The following SLCO1B1 variants were observed in gnomAD, a reference collection of about 807,000 sequenced individuals.
SLCO1B1 encodes the protein solute carrier organic anion transporter family member 1B1.
In SLCO1B1, 81 loss-of-function variants were observed where a neutral mutation model predicts 70.1. The observed-to-expected ratio is 1.16, with a 90% confidence interval of 0.97 to 1.39. The LOEUF is 1.39. SLCO1B1 is among the 40% of genes most tolerant of loss of function. The probability of loss-of-function intolerance (pLI) is 0.00; values close to 1 mark genes in which losing one functional copy is unlikely to be tolerated. For missense variants in SLCO1B1, 895 were observed against 799.6 expected, an observed-to-expected ratio of 1.12 and a Z score of -1.44; for synonymous variants, 283 against 271.5, an observed-to-expected ratio of 1.04 and a Z score of -0.42.
At chr12:21,193,001 A>T (rs79640916) in intron 7 of SLCO1B1, among the ~76,000 whole-genome samples, 6,205 of 152,078 alleles carry the variant, frequency 0.041, 192 homozygotes, top group Non-Finnish European at 0.06. Context: ...ATATTTTTAA[A>T]ATTTTCTACT....
At chr12:21,150,244 G>A (rs545726644) in intron 2 of SLCO1B1, among the ~76,000 whole-genome samples, 2 of 152,274 alleles carry the variant, frequency 1.3e-5, no homozygotes, top group South Asian at 4.1e-4. Context: ...GCACCTGGGA[G>A]AAGGGGCAGC....
chr12:21,196,402 C>G (rs542364481), intron 7 of SLCO1B1, among the ~76,000 whole-genome samples: 1 of 152,184 alleles, frequency 6.6e-6, no homozygotes, highest in South Asian at 2.1e-4. Flanking sequence ...CTTTTAGAGT[C>G]TAACTCTTCA....
At chr12:21,188,337 C>G (rs1940986870) in intron 7 of SLCO1B1, among the ~76,000 whole-genome samples, 1 of 152,130 alleles carries the variant, frequency 6.6e-6, no homozygotes, top group South Asian at 2.1e-4. Context: ...TCCACTTCAA[C>G]TTAATAGTAA....
intron 10 of SLCO1B1, 110 bp downstream of exon 10, chr12:21,202,796 TAAGAG>T: frequency 1.1e-6 from 1 of 886,234 alleles, no homozygotes; most frequent in South Asian, 1.7e-5. Context: ...TTCTTTAAGT[TAAGAG>T]AAATTTCAAT....
At chr12:21,149,282 G>A (rs1458412506) in intron 2 of SLCO1B1, among the ~76,000 whole-genome samples, 1 of 152,122 alleles carries the variant, frequency 6.6e-6, no homozygotes, top group Non-Finnish European at 1.5e-5. Context: ...TGGTGAGAGA[G>A]GGCATCCTTG....
At chr12:21,218,750 A>T (rs1941389331) in intron 12 of SLCO1B1, among the ~76,000 whole-genome samples, 1 of 152,196 alleles carries the variant, frequency 6.6e-6, no homozygotes, top group South Asian at 2.1e-4. Context: ...GTTTGAAAAA[A>T]CACTGTTCCA....
At chr12:21,231,216 T>C (rs1941533708) in intron 14 of SLCO1B1, among the ~76,000 whole-genome samples, 1 of 152,112 alleles carries the variant, frequency 6.6e-6, no homozygotes, top group Non-Finnish European at 1.5e-5. Context: ...CTTAATCCAG[T>C]CTATCACTGA....
rs190558189 is a variant in SLCO1B1 at position 21,203,859 on chromosome 12, A to G, written c.1331+1173A>G. ...GTCACACAATGTCTTTAGACTCTAG[A>G]CTGATCCTATGTCACACCCTTAGTT... On this transcript the variant is annotated intron_variant, in intron 10 of 14. Coordinates refer to ENST00000256958, the MANE Select transcript of SLCO1B1 (RefSeq NM_006446.5). Among the ~76,000 whole-genome samples the G allele has an allele frequency of 1.4e-4, 21 of 152,158 alleles. No individual in the cohort carries two copies. The East Asian group carries it at 4.1e-3, about 29-fold the overall frequency.
intron 2 of SLCO1B1, among the ~76,000 whole-genome samples, chr12:21,157,852 G>A (rs567750211): frequency 2.5e-4 from 38 of 152,038 alleles, no homozygotes; most frequent in Admixed American, 7.9e-4. Flanking sequence ...TGCCCACCTC[G>A]GCCTCCCACA....
chr12:21,219,490 T>C (rs759991929), intron 12 of SLCO1B1, among the ~76,000 whole-genome samples: 9 of 151,862 alleles, frequency 5.9e-5, no homozygotes, highest in South Asian at 2.1e-4. Context: ...AGGAAAGACT[T>C]TGAAATATAT....
At chr12:21,161,542 G>A (rs941162755) in intron 2 of SLCO1B1, among the ~76,000 whole-genome samples, 4 of 152,024 alleles carry the variant, frequency 2.6e-5, no homozygotes, top group Non-Finnish European at 5.9e-5. Flanking sequence ...AAGAGAGAGA[G>A]AAGCAGAAGA....
At chr12:21,232,802 C>T (rs1028370616) in intron 14 of SLCO1B1, among the ~76,000 whole-genome samples, 1 of 152,002 alleles carries the variant, frequency 6.6e-6, no homozygotes, top group Admixed American at 6.6e-5. Flanking sequence ...AATTCTTACC[C>T]CTTTTGCCAG....
At position 21,222,388 on chromosome 12, in the gene SLCO1B1, AAAAAAAAAAATAT is replaced by A. The variant is rs1941434058; in HGVS notation, c.1747+26_1747+38del. On this transcript the variant is annotated intron_variant, in intron 13 of 14. Coordinates refer to ENST00000256958, the MANE Select transcript of SLCO1B1 (RefSeq NM_006446.5). The stretch of plus-strand genomic sequence containing the variant: ...AGGTATGATGAAAAAAAAAAAAAAA[AAAAAAAAAAATAT>A]ATATATATATATATATATATATATA... The A allele has an allele frequency of 5.5e-5, 20 of 361,076 alleles. 1 individual carries two copies. In the South Asian group the frequency reaches 5.6e-4, roughly 10 times the overall value. The allele number at this position is 361,076 out of a possible 1,614,324, so 22.4% of individuals were successfully genotyped here. A position where few individuals can be genotyped will look rare whatever the true frequency, so the allele number is the denominator to read the frequency against.
chr12:21,207,018 C>T (rs1941222665), intron 11 of SLCO1B1, among the ~76,000 whole-genome samples: 1 of 151,918 alleles, frequency 6.6e-6, no homozygotes, highest in South Asian at 2.1e-4. Flanking sequence ...TAAACTTGCA[C>T]AAATATGGCC....
At chr12:21,215,089 A>G (rs529129610) in intron 11 of SLCO1B1, among the ~76,000 whole-genome samples, 1 of 151,702 alleles carries the variant, frequency 6.6e-6, no homozygotes, top group Admixed American at 6.6e-5. Context: ...GGCTCCTCCA[A>G]CCAGGGTTTT....
intron 5 of SLCO1B1, among the ~76,000 whole-genome samples, chr12:21,177,126 A>T (rs931952707): frequency 2.0e-5 from 3 of 152,148 alleles, no homozygotes; most frequent in Non-Finnish European, 4.4e-5. Flanking sequence ...TCTGAACTGG[A>T]TGATAAACCT....
At position 21,199,258 on chromosome 12, in the gene SLCO1B1, A is replaced by G. The variant is rs558552225; in HGVS notation, c.971-1250A>G. Among the ~76,000 whole-genome samples the G allele has an allele frequency of 2.0e-5, 3 of 152,282 alleles. No homozygotes were observed. The South Asian group carries it at 6.2e-4, about 32-fold the overall frequency. On this transcript the variant is annotated intron_variant, in intron 8 of 14. Transcript: ENST00000256958. ...TCAAAGTCCGTATCATCCAACTCTCAGTAACCATATCTTGGCTCTGTCTTG... is the reference window on the plus strand; with the variant it reads ...TCAAAGTCCGTATCATCCAACTCTCGGTAACCATATCTTGGCTCTGTCTTG...
intron 7 of SLCO1B1, among the ~76,000 whole-genome samples, chr12:21,181,149 A>G (rs1195874531): frequency 1.3e-5 from 2 of 152,322 alleles, no homozygotes; most frequent in East Asian, 3.9e-4. Flanking sequence ...TATTCTTTTA[A>G]TGCACAAATT....
intron 4 of SLCO1B1, among the ~76,000 whole-genome samples, chr12:21,176,551 C>T (rs1198120837): frequency 6.6e-6 from 1 of 151,920 alleles, no homozygotes; most frequent in African/African-American, 2.4e-5. Context: ...AGGTGATAAC[C>T]CACTTAGCCT....
Sources: gnomAD v4.1 joint callset for allele counts (sites outside exome capture counted in the v4.1 genomes callset) on GRCh38, gnomAD v4.1.1 for gene constraint, MANE v1.5 for transcripts, NCBI Gene and HGNC (gene_info 2026-07-23, HGNC 2026-07-21) for gene names.